MERTK: variants seen among roughly 807,000 people sequenced by gnomAD.
The protein encoded by MERTK is MER proto-oncogene, tyrosine kinase.
In MERTK, 69 loss-of-function variants were observed where a neutral mutation model predicts 99.3. The ratio of observed to expected loss-of-function variants is 0.70; its 90% CI spans 0.57 to 0.85. MERTK has a LOEUF of 0.85. Among genes scored for constraint, MERTK ranks in the 40% least tolerant of loss-of-function variants. The pLI, the probability that MERTK is intolerant of heterozygous loss-of-function variation, is 0.00. For synonymous variants in MERTK, 426 were observed against 467.6 expected (o/e 0.91, Z 1.15); for missense variants, 1,125 against 1,249.4 (o/e 0.90, Z 1.50).
intron 1 of MERTK, among the ~76,000 whole-genome samples, chr2:111,901,676 C>T (rs1676178436): frequency 6.6e-6 from 1 of 151,458 alleles, no homozygotes; most frequent in Admixed American, 6.6e-5. Flanking sequence ...CCACCTCAGC[C>T]TCCCAAGTAG....
intron 2 of MERTK, chr2:111,930,465 CA>C (rs1321635453): frequency 2.6e-3 from 362 of 140,824 alleles, no homozygotes; most frequent in African/African-American, 5.8e-3. Flanking sequence ...GACCCTGTCT[CA>C]AAAAAAAAAA....
At chr2:111,982,295 A>G (rs1323872152) in intron 7 of MERTK, among the ~76,000 whole-genome samples, 2 of 152,070 alleles carry the variant, frequency 1.3e-5, no homozygotes, top group Non-Finnish European at 1.5e-5. Context: ...GACCTCAAGC[A>G]ATCCTCTCCC....
At position 112,003,953 on chromosome 2, in the gene MERTK, C is replaced by T. The variant is rs1676926492; in HGVS notation, c.1836C>T (p.Thr612=). ...GAAATCTTAAGCAGGAAGATGGGAC[C>T]TCTCTGAAAGTGGCAGTGAAGACCA... ...MEGNLKQEDG[T]SLKVAVKTMK... The change falls in exon 13 of 19, where the codon ACC becomes ACT. Residue 612 remains threonine (T), a synonymous_variant. Transcript: ENST00000295408. 1 of 1,613,566 alleles carries T rather than the reference C, an allele frequency of 6.2e-7. No homozygotes were observed. The highest frequency in any genetic ancestry group is 1.1e-5 in the South Asian group (1 of 91,082).
intron 1 of MERTK, among the ~76,000 whole-genome samples, chr2:111,916,109 ATTTTTTTC>A (rs1684345263): frequency 6.6e-6 from 1 of 151,878 alleles, no homozygotes; most frequent in African/African-American, 2.4e-5. Flanking sequence ...TATAGATTAT[ATTTTTTTC>A]TTTTCTTTAT....
intron 17 of MERTK, 80 bp downstream of exon 17, chr2:112,021,661 G>A: frequency 1.5e-6 from 2 of 1,343,708 alleles, no homozygotes; most frequent in Non-Finnish European, 2.1e-6. Flanking sequence ...AGCTGGTATG[G>A]CAAGACATTT....
intron 2 of MERTK, among the ~76,000 whole-genome samples, chr2:111,939,741 T>A (rs989099722): frequency 7.5e-6 from 1 of 132,526 alleles, no homozygotes; most frequent in Non-Finnish European, 1.5e-5. Flanking sequence ...TGGCCTCAAA[T>A]GACTCTCTCA....
intron 4 of MERTK, among the ~76,000 whole-genome samples, chr2:111,959,633 T>G (rs1685208119): frequency 6.6e-6 from 1 of 152,036 alleles, no homozygotes; most frequent in African/African-American, 2.4e-5. Context: ...GTCACCATGC[T>G]CAGCTAATTT....
Position 111,898,698 on chromosome 2 carries a change from A to T in MERTK, c.-38A>T, listed in dbSNP as rs1683971280. 1 of 1,595,866 alleles carries T rather than the reference A, an allele frequency of 6.3e-7. No individual in the cohort carries two copies. The highest frequency in any genetic ancestry group is 8.5e-7 in the Non-Finnish European group (1 of 1,171,064). The stretch of plus-strand genomic sequence containing the variant: ...ACAGGTTCGGGACGTCCATCTGTCC[A>T]TCCGTCCGGAGAGAAATTACAGATC... On this transcript the variant is annotated 5_prime_UTR_variant, in exon 1 of 19. Coordinates refer to ENST00000295408, the MANE Select transcript of MERTK (RefSeq NM_006343.3).
intron 11 of MERTK, among the ~76,000 whole-genome samples, chr2:112,002,341 T>C (rs961968032): frequency 6.6e-6 from 1 of 152,222 alleles, no homozygotes; most frequent in African/African-American, 2.4e-5. Context: ...CTCTAGATGT[T>C]TCCTGTGGTT....
intron 4 of MERTK, among the ~76,000 whole-genome samples, chr2:111,960,996 G>A (rs1573602183): frequency 1.3e-5 from 2 of 151,448 alleles, no homozygotes; most frequent in African/African-American, 4.9e-5. Context: ...GTGTGTAATG[G>A]GTGTGAGAGA....
chr2:111,907,951 G>A (rs2104662789), intron 1 of MERTK, among the ~76,000 whole-genome samples: 1 of 152,170 alleles, frequency 6.6e-6, no homozygotes, highest in South Asian at 2.1e-4. Context: ...AATCTTTGGG[G>A]CTGTGGCCCT....
intron 1 of MERTK, among the ~76,000 whole-genome samples, chr2:111,921,954 G>A (rs962984429): frequency 2.0e-5 from 3 of 152,120 alleles, no homozygotes; most frequent in Non-Finnish European, 4.4e-5. Flanking sequence ...GTTGGGGAAG[G>A]AATAGAAAGA....
intron 15 of MERTK, among the ~76,000 whole-genome samples, chr2:112,013,919 A>G (rs1677159697): frequency 6.6e-6 from 1 of 151,974 alleles, no homozygotes; most frequent in African/African-American, 2.4e-5. Context: ...CCATGGCTCA[A>G]TCTCGGCTCA....
intron 14 of MERTK, 25 bp downstream of exon 14, chr2:112,008,500 G>A: frequency 6.3e-7 from 1 of 1,582,680 alleles, no homozygotes; most frequent in Non-Finnish European, 8.7e-7. Context: ...TGCAGGAGTG[G>A]GTGGCCAAGA....
intron 1 of MERTK, among the ~76,000 whole-genome samples, chr2:111,920,510 T>C (rs1391338071): frequency 4.6e-5 from 7 of 151,920 alleles, no homozygotes; most frequent in African/African-American, 1.7e-4. Flanking sequence ...ATAATTACCA[T>C]TTGCAATTTA....
intron 8 of MERTK, among the ~76,000 whole-genome samples, chr2:111,991,753 A>T (rs958229877): frequency 4.6e-5 from 7 of 151,890 alleles, no homozygotes; most frequent in African/African-American, 9.7e-5. Context: ...GTACACACAC[A>T]ATATATATAT....
At chr2:112,006,192 A>T (rs962384638) in intron 13 of MERTK, among the ~76,000 whole-genome samples, 3 of 152,120 alleles carry the variant, frequency 2.0e-5, no homozygotes, top group African/African-American at 7.2e-5. Flanking sequence ...TGGAGGCTGA[A>T]GCTTAATTCA....
At chr2:112,028,157 T>C (rs1384006213) in intron 18 of MERTK, 194 bp from the exon 19 acceptor site, 2 of 644,118 alleles carry the variant, frequency 3.1e-6, no homozygotes, top group Non-Finnish European at 5.3e-6. Flanking sequence ...AGAATCACTT[T>C]TTTGTCAAAT....
intron 1 of MERTK, among the ~76,000 whole-genome samples, chr2:111,911,041 T>A (rs1017426536): frequency 3.9e-5 from 6 of 152,176 alleles, no homozygotes; most frequent in African/African-American, 1.4e-4. Flanking sequence ...CGAAGCCCTA[T>A]GCTATGGACT....
Sources: gnomAD v4.1 joint callset for allele counts (sites outside exome capture counted in the v4.1 genomes callset) on GRCh38, gnomAD v4.1.1 for gene constraint, MANE v1.5 for transcripts, NCBI Gene and HGNC (gene_info 2026-07-23, HGNC 2026-07-21) for gene names.